The following C1QTNF3 variants were observed in gnomAD, a reference collection of about 807,000 sequenced individuals.
C1QTNF3 encodes complement C1q tumor necrosis factor-related protein 3.
C1QTNF3 carries 26 observed loss-of-function variants against 32.6 expected under a neutral mutation model. The ratio of observed to expected loss-of-function variants is 0.80; its 90% CI spans 0.58 to 1.11. C1QTNF3 has a LOEUF of 1.11. Ranked by LOEUF, C1QTNF3 falls within the 50% of genes least tolerant of loss-of-function variation. The pLI is 0.00. For synonymous variants in C1QTNF3, 155 were observed against 146.0 expected (o/e 1.06, Z -0.44); for missense variants, 362 against 398.2 (o/e 0.91, Z 0.77).
At chr5:34,229,450 A>G in the C1QTNF3 span, among the ~76,000 whole-genome samples, 1 of 152,134 alleles carries the variant, frequency 6.6e-6, no homozygotes, top group Non-Finnish European at 1.5e-5. Flanking sequence ...ATAAACTAAC[A>G]TATTGATGTG....
chr5:34,032,167 TC>T (rs1396341670), intron 3 of C1QTNF3, among the ~76,000 whole-genome samples: 2 of 152,142 alleles, frequency 1.3e-5, no homozygotes, highest in African/African-American at 2.4e-5. Context: ...CTGATAGAAG[TC>T]CCCCAGAGGG....
At chr5:34,187,255 T>C in the C1QTNF3 span, among the ~76,000 whole-genome samples, 7,550 of 126,166 alleles carry the variant, frequency 0.06, 23 homozygotes, top group African/African-American at 0.13. Context: ...CTTTCCTTTA[T>C]AAATTACCCA....
At chr5:34,056,454 G>GTATATATATATATATATATA in the C1QTNF3 span, among the ~76,000 whole-genome samples, 1 of 48,972 alleles carries the variant, frequency 2.0e-5, no homozygotes, top group African/African-American at 8.4e-5. Context: ...GTGTGTGTGT[G>GTATATATATATATATATATA]TATATATATA....
At chr5:34,038,629 A>C in intron 1 of C1QTNF3, among the ~76,000 whole-genome samples, 1 of 152,066 alleles carries the variant, frequency 6.6e-6, no homozygotes, top group East Asian at 1.9e-4. Context: ...CCTCCTTAGG[A>C]ATCTCATCAA....
chr5:34,237,597 C>A, the C1QTNF3 span, among the ~76,000 whole-genome samples: 1 of 152,096 alleles, frequency 6.6e-6, no homozygotes, highest in Admixed American at 6.6e-5. Flanking sequence ...TCAGGAAGCA[C>A]CACCCCCACT....
chr5:34,077,572 C>T, the C1QTNF3 span, among the ~76,000 whole-genome samples: 1 of 151,560 alleles, frequency 6.6e-6, no homozygotes, highest in African/African-American at 2.4e-5. Flanking sequence ...AAATATGTAA[C>T]ATTTTCTTTA....
the C1QTNF3 span, among the ~76,000 whole-genome samples, chr5:34,069,435 C>A: frequency 5.9e-5 from 9 of 152,032 alleles, no homozygotes; most frequent in South Asian, 2.1e-4. Flanking sequence ...GCTATACTAT[C>A]CCCTCTGTCA....
the C1QTNF3 span, among the ~76,000 whole-genome samples, chr5:34,169,308 GTTAT>G: frequency 2.9e-4 from 44 of 152,060 alleles, 1 homozygote; most frequent in East Asian, 8.3e-3. Context: ...GTGAAGTAGA[GTTAT>G]TTATTTATTT....
intron 4 of C1QTNF3, among the ~76,000 whole-genome samples, chr5:34,025,452 C>T (rs558448507): frequency 3.9e-5 from 6 of 152,232 alleles, no homozygotes; most frequent in East Asian, 1.9e-4. Context: ...TTGGAAATAC[C>T]GAAGTGAGTA....
At chr5:34,103,382 G>A in the C1QTNF3 span, among the ~76,000 whole-genome samples, 2 of 151,516 alleles carry the variant, frequency 1.3e-5, no homozygotes, top group African/African-American at 4.9e-5. Context: ...GCTCACTGCA[G>A]CCTCAAACTC....
chr5:34,143,251 G>A, the C1QTNF3 span, among the ~76,000 whole-genome samples: 14 of 152,168 alleles, frequency 9.2e-5, no homozygotes, highest in Admixed American at 8.5e-4. Flanking sequence ...AGTTTAAAAT[G>A]AACAAAACCT....
chr5:34,168,377 G>C, the C1QTNF3 span: 2 of 150,716 alleles, frequency 1.3e-5, no homozygotes, highest in Admixed American at 6.6e-5. Context: ...TGCCAAAATG[G>C]GATTAGATGT....
the C1QTNF3 span, among the ~76,000 whole-genome samples, chr5:34,128,552 A>T: frequency 6.6e-6 from 1 of 152,246 alleles, no homozygotes; most frequent in East Asian, 1.9e-4. Flanking sequence ...GAGACACAAG[A>T]GTAGAATTGC....
At chr5:34,097,006 G>GC in the C1QTNF3 span, among the ~76,000 whole-genome samples, 12 of 151,314 alleles carry the variant, frequency 7.9e-5, 1 homozygote, top group East Asian at 2.3e-3. Context: ...AAAGAATGAA[G>GC]TATGAACAAG....
At chr5:34,228,960 T>G in the C1QTNF3 span, among the ~76,000 whole-genome samples, 1 of 142,126 alleles carries the variant, frequency 7.0e-6, no homozygotes, top group African/African-American at 2.5e-5. Flanking sequence ...CCAATTAGAG[T>G]TTTTTTTTTT....
the C1QTNF3 span, chr5:34,167,235 T>C: frequency 5.3e-5 from 8 of 152,178 alleles, no homozygotes; most frequent in African/African-American, 1.9e-4. Flanking sequence ...CTAAATTCTC[T>C]CCGTTCTCCA....
chr5:34,020,172 C>T lies in C1QTNF3; in HGVS notation c.*411G>A, dbSNP rs840386. ...CCCAGCCCTGTCATATCACTACATC[C>T]GATTCTCTCAAATGTTATAAAGAAT... On this transcript the variant is annotated 3_prime_UTR_variant, in exon 6 of 6. Coordinates refer to ENST00000382065, the MANE Select transcript of C1QTNF3 (RefSeq NM_181435.6). The T allele has an allele frequency of 0.39, 64,954 of 165,080 alleles. 13,265 individuals carry two copies. The highest frequency in any genetic ancestry group is 0.65 in the South Asian group (4,317 of 6,682). The allele number at this position is 165,080 out of a possible 1,614,324, so 10.2% of individuals were successfully genotyped here.
At chr5:34,207,275 G>C in the C1QTNF3 span, among the ~76,000 whole-genome samples, 7 of 143,148 alleles carry the variant, frequency 4.9e-5, no homozygotes, top group Admixed American at 1.4e-4. Flanking sequence ...TCAAATTTGA[G>C]ATATATATAT....
At chr5:34,150,350 A>G in the C1QTNF3 span, among the ~76,000 whole-genome samples, 3 of 107,048 alleles carry the variant, frequency 2.8e-5, no homozygotes, top group South Asian at 3.1e-4. Context: ...CTCTGCACGA[A>G]GCAGACCTAA....
Sources: allele counts gnomAD v4.1 joint callset (sites outside exome capture counted in the v4.1 genomes callset), GRCh38; gene constraint gnomAD v4.1.1; transcripts MANE v1.5; gene names NCBI Gene and HGNC (gene_info 2026-07-23, HGNC 2026-07-21).